The following SEL1L3 variants were observed in gnomAD, a reference collection of about 807,000 sequenced individuals.
SEL1L3 encodes protein sel-1 homolog 3.
SEL1L3 carries 76 observed loss-of-function variants against 142.8 expected under a neutral mutation model. That is an observed-to-expected ratio of 0.53 (90% confidence interval 0.44 to 0.64). The LOEUF (loss-of-function observed/expected upper bound fraction) is 0.64. Among genes scored for constraint, SEL1L3 ranks in the 30% least tolerant of loss-of-function variants. SEL1L3 has a pLI of 0.00. For missense variants in SEL1L3, 1,262 were observed against 1,381.7 expected (o/e 0.91, Z 1.37); for synonymous variants, 504 against 519.6 (o/e 0.97, Z 0.41).
At chr4:25,858,733 A>C (rs1294006278) in intron 1 of SEL1L3, among the ~76,000 whole-genome samples, 3 of 151,942 alleles carry the variant, frequency 2.0e-5, no homozygotes, top group Non-Finnish European at 2.9e-5. Flanking sequence ...TTATAGGTGC[A>C]CGCCACCACA....
In SEL1L3 at chr4:25,836,792, C is replaced by T. The variant is rs80238776; in HGVS notation, c.734-1469G>A. ...TGTGCAATCCATCAAACACCAATAT[C>T]GGCACAAATTATGGGGGCTTCAGCT... On this transcript the variant is annotated intron_variant, in intron 2 of 23. Transcript: ENST00000399878. 7.1e-3 allele frequency among the ~76,000 whole-genome samples: 1,088 copies of T among 152,252 alleles called. 11 individuals carry two copies. The highest frequency in any genetic ancestry group is 0.025 in the African/African-American group (1,032 of 41,552).
chr4:25,747,176 A>G (rs1717298127), downstream of SEL1L3, among the ~76,000 whole-genome samples: 3 of 152,226 alleles, frequency 2.0e-5, no homozygotes, highest in Admixed American at 2.0e-4. Flanking sequence ...CATAGAGCCC[A>G]GGCTCAGAGC....
the SEL1L3 span, among the ~76,000 whole-genome samples, chr4:25,725,651 G>A: frequency 6.6e-6 from 1 of 152,008 alleles, no homozygotes; most frequent in Non-Finnish European, 1.5e-5. Context: ...CTGATTATAC[G>A]CTAAACAAGG....
intron 2 of SEL1L3, 37 bp from the exon 3 acceptor site, chr4:25,835,360 CAG>C: frequency 6.2e-7 from 1 of 1,607,514 alleles, no homozygotes. Context: ...CAATTATATC[CAG>C]AAAAACATTC....
chr4:25,802,832 C>T (rs1395473720), intron 10 of SEL1L3, among the ~76,000 whole-genome samples: 1 of 152,096 alleles, frequency 6.6e-6, no homozygotes, highest in Non-Finnish European at 1.5e-5. Context: ...CTACCCGCCT[C>T]GGTTTCTCAA....
At chr4:25,789,261 C>A (rs1324866049) in intron 12 of SEL1L3, among the ~76,000 whole-genome samples, 1 of 152,102 alleles carries the variant, frequency 6.6e-6, no homozygotes, top group South Asian at 2.1e-4. Flanking sequence ...GTGAGGAAGA[C>A]CCCTATAGAG....
intron 9 of SEL1L3, among the ~76,000 whole-genome samples, chr4:25,808,803 C>CTCACACCTGTAATCCCA (rs1713779707): frequency 1.3e-5 from 2 of 152,264 alleles, no homozygotes; most frequent in African/African-American, 2.4e-5. Flanking sequence ...TGTGCAGTGG[C>CTCACACCTGTAATCCCA]GCACGCCTGT....
At chr4:25,813,125 A>G (rs2109244097) in intron 9 of SEL1L3, among the ~76,000 whole-genome samples, 1 of 152,354 alleles carries the variant, frequency 6.6e-6, no homozygotes, top group South Asian at 2.1e-4. Flanking sequence ...CTGCTGTGGA[A>G]GACAGCATGG....
At position 25,756,883 on chromosome 4, in the gene SEL1L3, G is replaced by A. The variant is rs773647253; in HGVS notation, c.3259+651C>T. ...ATGCTGCCAGGAGCTTTGGCGCTGTGTTTTCAGGCACACAGAGGCAGAATT... is the reference window on the plus strand; with the variant it reads ...ATGCTGCCAGGAGCTTTGGCGCTGTATTTTCAGGCACACAGAGGCAGAATT... On this transcript the variant is annotated intron_variant, in intron 23 of 23. Transcript: ENST00000399878. The A allele has an allele frequency of 1.2e-5, 15 of 1,285,042 alleles. No individual in the cohort carries two copies. In the South Asian group the frequency reaches 1.9e-4, roughly 16 times the overall value. 79.6% of individuals were successfully genotyped at this position (1,285,042 alleles called of 1,614,324 possible). A position where few individuals can be genotyped will look rare whatever the true frequency, so the allele number is the denominator to read the frequency against.
intron 17 of SEL1L3, among the ~76,000 whole-genome samples, chr4:25,771,549 C>G (rs192487368): frequency 1.4e-4 from 21 of 152,196 alleles, no homozygotes; most frequent in Admixed American, 3.9e-4. Flanking sequence ...ATGGCTGAAG[C>G]AGCTCAGACT....
In SEL1L3 at chr4:25,819,898, T is replaced by C; in HGVS notation, c.1333A>G (p.Lys445Glu). Reference protein sequence around the residue: ...LLEKQLAEQIKLYYERCAEVQ... With the variant: ...LLEKQLAEQIELYYERCAEVQ... ...TCAGCACACCTTTCATAATATAACT[T>C]GATTTGTTCAGCAAGTTGCTTCTCA... The change falls in exon 8 of 24, where the codon AAG becomes GAG. Residue 445 changes from lysine (K) to glutamate (E), a missense_variant. By Grantham distance (56) the Lys-to-Glu change is moderately conservative. Around this residue, in one of 3 missense-constraint regions of SEL1L3, gnomAD observed 689 missense variants for 692.8 expected, o/e 0.99. Transcript: ENST00000399878. 6.2e-7 allele frequency: 1 copy of C among 1,612,876 alleles called. No homozygotes were observed. The highest frequency in any genetic ancestry group is 8.5e-7 in the Non-Finnish European group (1 of 1,179,424).
At chr4:25,743,245 T>G (rs1717169818), downstream of SEL1L3, among the ~76,000 whole-genome samples, 1 of 152,212 alleles carries the variant, frequency 6.6e-6, no homozygotes, top group Admixed American at 6.5e-5. Flanking sequence ...TTAAAAATAT[T>G]GAGTGGGCCA....
chr4:25,859,285 C>G (rs1477468311), intron 1 of SEL1L3, among the ~76,000 whole-genome samples: 2 of 152,372 alleles, frequency 1.3e-5, no homozygotes, highest in African/African-American at 4.8e-5. Context: ...TGAGGAGGCT[C>G]TCTGCATCTT....
intron 11 of SEL1L3, among the ~76,000 whole-genome samples, chr4:25,795,949 G>T (rs1167881782): frequency 2.6e-5 from 4 of 152,090 alleles, no homozygotes; most frequent in African/African-American, 4.8e-5. Context: ...CACTGGGCGG[G>T]TGTGTGGGGT....
At chr4:25,812,070 C>T (rs978996523) in intron 9 of SEL1L3, among the ~76,000 whole-genome samples, 73 of 152,288 alleles carry the variant, frequency 4.8e-4, no homozygotes, top group African/African-American at 1.7e-3. Context: ...TGGAAGGATC[C>T]AACTTATACT....
downstream of SEL1L3, among the ~76,000 whole-genome samples, chr4:25,746,874 A>G (rs1386164062): frequency 6.6e-6 from 1 of 152,092 alleles, no homozygotes; most frequent in Non-Finnish European, 1.5e-5. Flanking sequence ...GACCTAATAC[A>G]AGACTCTATC....
At chr4:25,763,905 G>C (rs6810985) in intron 20 of SEL1L3, among the ~76,000 whole-genome samples, 1 of 152,010 alleles carries the variant, frequency 6.6e-6, no homozygotes. Context: ...TAAGTTTCCA[G>C]TTTTTGCTCA....
At position 25,748,559 on chromosome 4, in the gene SEL1L3, C is replaced by A; in HGVS notation, c.3265G>T (p.Asp1089Tyr). The A allele has an allele frequency of 6.2e-7, 1 of 1,609,452 alleles. No homozygotes were observed. The highest frequency in any genetic ancestry group is 8.5e-7 in the Non-Finnish European group (1 of 1,178,194). The change falls in exon 24 of 24, where the codon GAT (aspartate) becomes TAT (tyrosine). Residue 1089 changes from aspartate to tyrosine, a missense_variant. Transcript: ENST00000399878. ...VQYFQSVSAS[D>Y]PPPRPSQASP... ...GCCTGGGATGGTCTTGGAGGGGGAT[C>A]GCTTGCTGCAGAGACACATGCACAA... is the stretch of plus-strand genomic sequence containing the variant.
At chr4:25,826,982 C>T (rs762687474) in intron 6 of SEL1L3, among the ~76,000 whole-genome samples, 46 of 152,152 alleles carry the variant, frequency 3.0e-4, no homozygotes, top group Non-Finnish European at 6.3e-4. Context: ...GCCACTTTTA[C>T]TAAGAAATTG....
Sources: gnomAD v4.1 joint callset for allele counts (sites outside exome capture counted in the v4.1 genomes callset) on GRCh38, gnomAD v4.1.1 for gene constraint, gnomAD v4.1.1 regional missense constraint, MANE v1.5 for transcripts, NCBI Gene and HGNC (gene_info 2026-07-23, HGNC 2026-07-21) for gene names.